Variants in STK24 observed in about 807,000 individuals in gnomAD.
The protein encoded by STK24 is serine/threonine-protein kinase 24.
In STK24, 21 loss-of-function variants were observed where a neutral mutation model predicts 55.6. The ratio of observed to expected loss-of-function variants is 0.38; its 90% CI spans 0.27 to 0.54. STK24 has a LOEUF of 0.54. Ranked by LOEUF, STK24 falls within the 20% of genes least tolerant of loss-of-function variation. The pLI is 0.79. For synonymous variants in STK24, 200 were observed against 215.2 expected, an observed-to-expected ratio of 0.93 and a Z score of 0.62; for missense variants, 383 against 538.4, an observed-to-expected ratio of 0.71 and a Z score of 2.86.
intron 2 of STK24, among the ~76,000 whole-genome samples, chr13:98,515,514 T>TG (rs1012713279): frequency 7.0e-5 from 10 of 142,528 alleles, no homozygotes; most frequent in African/African-American, 2.0e-4. Context: ...CCATAAATAT[T>TG]GGGGGGGTGG....
intron 1 of STK24, among the ~76,000 whole-genome samples, chr13:98,525,631 C>T (rs563424468): frequency 3.0e-4 from 45 of 152,156 alleles, no homozygotes; most frequent in Non-Finnish European, 3.1e-4. Context: ...GCAGGAGGAT[C>T]GGCTTCTCTA....
chr13:98,489,123 C>G (rs1237384964), intron 2 of STK24, among the ~76,000 whole-genome samples: 2 of 149,086 alleles, frequency 1.3e-5, no homozygotes, highest in Non-Finnish European at 2.9e-5. Flanking sequence ...ATGGCAACTA[C>G]AACAAGGCCT....
Position 98,446,679 on chromosome 13 carries a change from T to G in STK24, c.*6494A>C, listed in dbSNP as rs1487761429. 1 of 1,614,024 alleles carries G rather than the reference T, an allele frequency of 6.2e-7. No individual in the cohort carries two copies. The highest frequency in any genetic ancestry group is 1.7e-5 in the Admixed American group (1 of 60,010). ...TCCCCTTTCCAGGACAATCATCCCC[T>G]TGCCAGCCTGCCTCTGCTCGGCTAC... On this transcript the variant is annotated 3_prime_UTR_variant, in exon 11 of 11. Transcript: ENST00000539966.
chr13:98,484,968 A>C (rs1297812282), intron 2 of STK24, among the ~76,000 whole-genome samples: 1 of 152,174 alleles, frequency 6.6e-6, no homozygotes, highest in Non-Finnish European at 1.5e-5. Context: ...AAACCAGCTC[A>C]AGTCCTTATT....
At chr13:98,555,366 G>A (rs1454018155) in intron 1 of STK24, among the ~76,000 whole-genome samples, 3 of 152,072 alleles carry the variant, frequency 2.0e-5, no homozygotes, top group Non-Finnish European at 4.4e-5. Flanking sequence ...CAGATCACGA[G>A]GTCAGGAGAC....
chr13:98,516,018 T>C (rs148830754), intron 2 of STK24, among the ~76,000 whole-genome samples: 1,674 of 152,306 alleles, frequency 0.011, 40 homozygotes, highest in African/African-American at 0.039. Flanking sequence ...TGTATCCTCC[T>C]TGACATTAGG....
Position 98,446,631 on chromosome 13 carries a change from C to G in STK24, c.*6542G>C, listed in dbSNP as rs767401842. The G allele has an allele frequency of 1.9e-6, 3 of 1,610,114 alleles. No homozygotes were observed. Among genetic ancestry groups the G allele is most frequent in the Non-Finnish European group, 2.5e-6 (3 of 1,177,214 alleles). Reference sequence around the variant, plus strand: ...CCAGGCCCAGCAGCAGAAGCTGACCCCGAAAAGCCACTTTGCTTTGTTTCC... The same window carrying G: ...CCAGGCCCAGCAGCAGAAGCTGACCGCGAAAAGCCACTTTGCTTTGTTTCC... On this transcript the variant is annotated 3_prime_UTR_variant, in exon 11 of 11. Transcript: ENST00000539966.
chr13:98,480,472 A>T (rs1894539372), intron 3 of STK24, among the ~76,000 whole-genome samples: 1 of 152,206 alleles, frequency 6.6e-6, no homozygotes, highest in Non-Finnish European at 1.5e-5. Flanking sequence ...AAAGCTCTTT[A>T]TGTGTACATT....
intron 2 of STK24, among the ~76,000 whole-genome samples, chr13:98,507,719 C>T (rs543978888): frequency 6.6e-6 from 1 of 152,278 alleles, no homozygotes; most frequent in African/African-American, 2.4e-5. Context: ...TGGCTTCATT[C>T]CCAGCCAGGA....
intron 1 of STK24, 123 bp downstream of exon 1, chr13:98,576,622 C>T (rs1361383415): frequency 9.5e-6 from 7 of 736,394 alleles, no homozygotes; most frequent in African/African-American, 2.0e-5. Flanking sequence ...GCCGGGCGCG[C>T]GGGGAGCCAG....
Position 98,576,117 on chromosome 13 carries a change from C to T in STK24, c.42+628G>A, listed in dbSNP as rs1897883870. Reference sequence around the variant, plus strand: ...GCGGCTGTCCGAGGGATTCCTCCTTCCAGAAGGTTTGCAACTCGCACTTTC... The same window carrying T: ...GCGGCTGTCCGAGGGATTCCTCCTTTCAGAAGGTTTGCAACTCGCACTTTC... On this transcript the variant is annotated intron_variant, in intron 1 of 10. Transcript: ENST00000539966. 4 of 984,990 alleles carry T rather than the reference C, an allele frequency of 4.1e-6. No individual in the cohort carries two copies. The African/African-American group carries it at 7.0e-5, about 17-fold the overall frequency. The allele number at this position is 984,990 out of a possible 1,614,324, so 61.0% of individuals were successfully genotyped here. A position where few individuals can be genotyped will look rare whatever the true frequency, so the allele number is the denominator to read the frequency against.
At chr13:98,564,940 T>C (rs1566407778) in intron 1 of STK24, among the ~76,000 whole-genome samples, 1 of 152,048 alleles carries the variant, frequency 6.6e-6, no homozygotes, top group Non-Finnish European at 1.5e-5. Flanking sequence ...CCCCAACAGG[T>C]TTATAAATAC....
intron 1 of STK24, among the ~76,000 whole-genome samples, chr13:98,524,958 T>G (rs1896381052): frequency 6.6e-6 from 1 of 152,248 alleles, no homozygotes; most frequent in Admixed American, 6.5e-5. Flanking sequence ...TGTCAGCAGC[T>G]GTAGGCCAGG....
chr13:98,559,645 T>C (rs1459353160), intron 1 of STK24, among the ~76,000 whole-genome samples: 1 of 152,168 alleles, frequency 6.6e-6, no homozygotes, highest in African/African-American at 2.4e-5. Flanking sequence ...GCAAAGATCT[T>C]TACAACAAAG....
At chr13:98,514,457 G>C (rs549969534) in intron 2 of STK24, among the ~76,000 whole-genome samples, 6 of 152,324 alleles carry the variant, frequency 3.9e-5, no homozygotes, top group East Asian at 1.9e-4. Flanking sequence ...TCCTTTCCCA[G>C]AATAACCTGT....
In STK24 at chr13:98,448,284, C is replaced by T. The variant is rs757505772; in HGVS notation, c.*4889G>A. On this transcript the variant is annotated 3_prime_UTR_variant, in exon 11 of 11. Coordinates refer to ENST00000539966, the MANE Select transcript of STK24 (RefSeq NM_001032296.4). The stretch of plus-strand genomic sequence containing the variant: ...CCACCAGCTCTGCCTCGCGACCCCA[C>T]GTGTTGAGTCACAAAGAGTCTCTTG... The T allele has an allele frequency of 1.1e-5, 17 of 1,614,070 alleles. No homozygotes were observed. In the Admixed American group the frequency reaches 1.2e-4, roughly 11 times the overall value.
Position 98,577,075 on chromosome 13 carries a change from G to A in STK24, c.-289C>T, listed in dbSNP as rs1232998668. On this transcript the variant is annotated 5_prime_UTR_variant, in exon 1 of 11. Transcript: ENST00000539966. The surrounding 1 kb of genome is among the most constrained non-coding windows in gnomAD (Gnocchi z 4.1). ...CTGCTGGGCTGGAGCCGGGCGGCCT[G>A]GGCCCGCGCGCGCTGGCCGCTGGAG... 2 of 146,042 alleles carry A rather than the reference G, an allele frequency of 1.4e-5. No homozygotes were observed. The highest frequency in any genetic ancestry group is 3.0e-5 in the Non-Finnish European group (2 of 65,674). 9.0% of individuals were successfully genotyped at this position (146,042 alleles called of 1,614,324 possible).
At chr13:98,568,195 C>T (rs1255505227) in intron 1 of STK24, among the ~76,000 whole-genome samples, 1 of 152,066 alleles carries the variant, frequency 6.6e-6, no homozygotes, top group Non-Finnish European at 1.5e-5. Context: ...AGGGGTTTCA[C>T]CATGTTGGTC....
At chr13:98,574,996 G>A (rs1293947417) in intron 1 of STK24, among the ~76,000 whole-genome samples, 1 of 152,166 alleles carries the variant, frequency 6.6e-6, no homozygotes, top group Admixed American at 6.5e-5. Context: ...AACCTAGTAA[G>A]TGAGGCATTT....
Sources: gnomAD v4.1 joint callset for allele counts (sites outside exome capture counted in the v4.1 genomes callset) on GRCh38, gnomAD v4.1.1 for gene constraint, Gnocchi (gnomAD v3.1) non-coding constraint, MANE v1.5 for transcripts, NCBI Gene and HGNC (gene_info 2026-07-23, HGNC 2026-07-21) for gene names.